The following PSMB1 variants were observed in gnomAD, a reference collection of about 807,000 sequenced individuals.
PSMB1 encodes the protein proteasome subunit beta type-1.
PSMB1 carries 7 observed loss-of-function variants against 25.4 expected under a neutral mutation model. The observed-to-expected ratio is 0.28, with a 90% CI of 0.16 to 0.52. The LOEUF (loss-of-function observed/expected upper bound fraction) is 0.52. PSMB1 is among the 20% of genes least tolerant of loss of function. The probability of loss-of-function intolerance (pLI) is 0.97; values close to 1 mark genes in which losing one functional copy is unlikely to be tolerated. For missense variants in PSMB1, 284 were observed against 302.2 expected (o/e 0.94, Z 0.45); for synonymous variants, 119 against 115.0 (o/e 1.03, Z -0.22).
Position 170,537,214 on chromosome 6 carries a change from C to A in PSMB1, c.540+20G>T, listed in dbSNP as rs376120434. 48 of 1,587,680 alleles carry A rather than the reference C, an allele frequency of 3.0e-5. No individual in the cohort carries two copies. Among genetic ancestry groups the A allele is most frequent in the Non-Finnish European group, 3.9e-5 (45 of 1,156,592 alleles). ...TGACAAGTTGGACATAGTATCATTA[C>A]CTGGACACAGTATCATTACCTGGTT... is the stretch of plus-strand genomic sequence containing the variant. On this transcript the variant is annotated intron_variant, in intron 5 of 5. Coordinates refer to ENST00000262193, the MANE Select transcript of PSMB1 (RefSeq NM_002793.4).
intron 3 of PSMB1, among the ~76,000 whole-genome samples, chr6:170,544,928 T>C (rs551702132): frequency 7.8e-4 from 118 of 152,218 alleles, no homozygotes; most frequent in African/African-American, 2.7e-3. Flanking sequence ...GTGGATCACC[T>C]GAAGTCAGGG....
At chr6:170,535,970 G>A (rs1442716055) in intron 5 of PSMB1, among the ~76,000 whole-genome samples, 2 of 152,210 alleles carry the variant, frequency 1.3e-5, no homozygotes, top group South Asian at 2.1e-4. Context: ...AACTGAGCAG[G>A]AGGAATTAGG....
At chr6:170,540,125 G>C (rs1778740107) in intron 4 of PSMB1, among the ~76,000 whole-genome samples, 1 of 152,270 alleles carries the variant, frequency 6.6e-6, no homozygotes, top group Middle Eastern at 3.4e-3. Context: ...AGAGATTAAA[G>C]ACAGAGAGGT....
Position 170,537,215 on chromosome 6 carries a change from C to T in PSMB1, c.540+19G>A. The T allele has an allele frequency of 6.3e-7, 1 of 1,590,210 alleles. No homozygotes were observed. On this transcript the variant is annotated intron_variant, in intron 5 of 5. Transcript: ENST00000262193. ...GACAAGTTGGACATAGTATCATTAC[C>T]TGGACACAGTATCATTACCTGGTTG...
intron 2 of PSMB1, among the ~76,000 whole-genome samples, chr6:170,547,308 C>A (rs6456229): frequency 6.6e-6 from 1 of 152,086 alleles, no homozygotes; most frequent in Non-Finnish European, 1.5e-5. Context: ...TTAAATAGCA[C>A]CCCAAAACAA....
At chr6:170,542,263 C>T (rs879274984) in intron 4 of PSMB1, among the ~76,000 whole-genome samples, 2 of 152,084 alleles carry the variant, frequency 1.3e-5, no homozygotes, top group African/African-American at 2.4e-5. Context: ...AGATAGCGCA[C>T]GCAAAGAAAA....
chr6:170,547,027 A>G (rs59928200), intron 2 of PSMB1, among the ~76,000 whole-genome samples: 1 of 152,194 alleles, frequency 6.6e-6, no homozygotes, highest in Non-Finnish European at 1.5e-5. Context: ...CACCATAAAC[A>G]TAAGAGCCTC....
chr6:170,537,809 G>A (rs1008004805), intron 4 of PSMB1, among the ~76,000 whole-genome samples: 1 of 152,168 alleles, frequency 6.6e-6, no homozygotes, highest in African/African-American at 2.4e-5. Context: ...AGAGTAGGGA[G>A]AACACAGAGA....
chr6:170,553,267 A>G lies in PSMB1; in HGVS notation c.-25T>C. ...TCGCACGGCTGCGCCTGCGGATCCG[A>G]CACTTGCTGTCTCACGGCGAGATGG... On this transcript the variant is annotated 5_prime_UTR_variant, in exon 1 of 6. Coordinates refer to ENST00000262193, the MANE Select transcript of PSMB1 (RefSeq NM_002793.4). The G allele has an allele frequency of 6.4e-7, 1 of 1,556,838 alleles. No homozygotes were observed. The highest frequency in any genetic ancestry group is 8.8e-7 in the Non-Finnish European group (1 of 1,135,598).
intron 1 of PSMB1, chr6:170,549,670 C>T (rs2114981590): frequency 6.6e-6 from 1 of 152,334 alleles, no homozygotes; most frequent in Non-Finnish European, 1.5e-5. Context: ...AAGAGACTTA[C>T]AGTAGAATTC....
intron 4 of PSMB1, among the ~76,000 whole-genome samples, chr6:170,538,965 A>G (rs1175987810): frequency 2.6e-5 from 4 of 152,218 alleles, no homozygotes; most frequent in Non-Finnish European, 4.4e-5. Context: ...AACCAATCTC[A>G]GAAAACCACA....
chr6:170,550,707 T>C (rs1562354198), intron 1 of PSMB1, among the ~76,000 whole-genome samples: 1 of 152,192 alleles, frequency 6.6e-6, no homozygotes, highest in East Asian at 1.9e-4. Flanking sequence ...GAACAGTAAA[T>C]CCAAAATCAT....
intron 1 of PSMB1, among the ~76,000 whole-genome samples, chr6:170,552,431 C>A (rs1583119124): frequency 6.6e-6 from 1 of 152,000 alleles, no homozygotes; most frequent in Admixed American, 6.5e-5. Context: ...AAAATAAAAA[C>A]CAAAACTTGA....
chr6:170,536,684 C>T (rs1176439907), intron 5 of PSMB1, among the ~76,000 whole-genome samples: 3 of 152,180 alleles, frequency 2.0e-5, no homozygotes, highest in Non-Finnish European at 2.9e-5. Context: ...GAATACAGCA[C>T]ATAATACATA....
chr6:170,547,776 C>T (rs1389048117), intron 2 of PSMB1, among the ~76,000 whole-genome samples: 1 of 150,988 alleles, frequency 6.6e-6, no homozygotes, highest in East Asian at 2.0e-4. Context: ...AAGAGGCAAG[C>T]TTAGTTCTAG....
intron 1 of PSMB1, among the ~76,000 whole-genome samples, chr6:170,552,891 C>A (rs1009889744): frequency 6.6e-6 from 1 of 152,216 alleles, no homozygotes; most frequent in African/African-American, 2.4e-5. Context: ...TAATGGGAAA[C>A]CCTAAAAACC....
intron 4 of PSMB1, among the ~76,000 whole-genome samples, chr6:170,542,992 G>A (rs1052194347): frequency 1.3e-5 from 2 of 152,166 alleles, no homozygotes; most frequent in African/African-American, 4.8e-5. Flanking sequence ...CAATCCAAAT[G>A]AGAACATTTG....
At chr6:170,540,883 T>TA (rs1778750866) in intron 4 of PSMB1, among the ~76,000 whole-genome samples, 2 of 151,314 alleles carry the variant, frequency 1.3e-5, no homozygotes, top group Non-Finnish European at 2.9e-5. Flanking sequence ...GAGTCAAAAA[T>TA]AAAGTACCGG....
At chr6:170,535,810 A>G (rs1310838261) in intron 5 of PSMB1, among the ~76,000 whole-genome samples, 2 of 152,230 alleles carry the variant, frequency 1.3e-5, no homozygotes, top group Non-Finnish European at 2.9e-5. Flanking sequence ...AAGAGCACAG[A>G]ACATTCCAGA....
Sources: allele counts gnomAD v4.1 joint callset (sites outside exome capture counted in the v4.1 genomes callset), GRCh38; gene constraint gnomAD v4.1.1; transcripts MANE v1.5; gene names NCBI Gene and HGNC (gene_info 2026-07-23, HGNC 2026-07-21).